TRHDE: variants seen among roughly 807,000 people sequenced by gnomAD.
TRHDE encodes thyrotropin releasing hormone degrading enzyme.
In TRHDE, 72 loss-of-function variants were observed where a neutral mutation model predicts 125.7. That is an observed-to-expected ratio of 0.57 (90% CI 0.47 to 0.70). The LOEUF (loss-of-function observed/expected upper bound fraction) is 0.70. Among genes scored for constraint, TRHDE ranks in the 30% least tolerant of loss-of-function variants. The pLI, the probability that TRHDE is intolerant of heterozygous loss-of-function variation, is 0.00. For synonymous variants in TRHDE, 509 were observed against 509.1 expected, an observed-to-expected ratio of 1.00 and a Z score of 0.00; for missense variants, 1,110 against 1,327.1, an observed-to-expected ratio of 0.84 and a Z score of 2.54.
At chr12:72,396,542 G>A (rs1184925275) in intron 3 of TRHDE, among the ~76,000 whole-genome samples, 2 of 151,976 alleles carry the variant, frequency 1.3e-5, no homozygotes, top group African/African-American at 4.8e-5. Context: ...TCAAGAAATC[G>A]AGACCATCCT....
At chr12:72,334,097 T>C (rs1174870821) in intron 2 of TRHDE, among the ~76,000 whole-genome samples, 2 of 152,288 alleles carry the variant, frequency 1.3e-5, no homozygotes, top group Non-Finnish European at 2.9e-5. Flanking sequence ...GCTTCTACCA[T>C]TATAATTGCA....
At chr12:72,482,843 G>A (rs1287486691) in intron 5 of TRHDE, among the ~76,000 whole-genome samples, 1 of 151,848 alleles carries the variant, frequency 6.6e-6, no homozygotes, top group African/African-American at 2.4e-5. Context: ...CACTATTGGT[G>A]GTGACTAATG....
chr12:72,382,876 C>T (rs1310306451), intron 3 of TRHDE, among the ~76,000 whole-genome samples: 1 of 152,134 alleles, frequency 6.6e-6, no homozygotes, highest in Non-Finnish European at 1.5e-5. Context: ...CCCCTGCAGC[C>T]TCATCTCATG....
rs551616608 is a variant in TRHDE at position 72,107,829 on chromosome 12, C to G, written n.279+2077C>G. On this transcript the variant is annotated intron_variant and non_coding_transcript_variant, in intron 2 of 4. Coordinates refer to the TRHDE transcript ENST00000548156. ...GGCCTGTTTAGACATTTTTTGAAAT[C>G]TAATTTAGACATTTTTTGAAATTTA... Among the ~76,000 whole-genome samples, 59 of 143,674 alleles carry G rather than the reference C, an allele frequency of 4.1e-4. 1 individual carries two copies. The highest frequency in any genetic ancestry group is 1.4e-3 in the African/African-American group (52 of 36,478). 94.3% of individuals were successfully genotyped at this position (143,674 alleles called of 152,430 possible).
At chr12:72,165,177 GCTCT>G (rs1876717353) in intron 2 of TRHDE, among the ~76,000 whole-genome samples, 1 of 152,148 alleles carries the variant, frequency 6.6e-6, no homozygotes, top group Non-Finnish European at 1.5e-5. Context: ...GGGAATCATT[GCTCT>G]CTCTGTGACT....
intron 15 of TRHDE, among the ~76,000 whole-genome samples, chr12:72,637,246 C>T (rs1026554766): frequency 1.3e-5 from 2 of 152,130 alleles, no homozygotes; most frequent in African/African-American, 2.4e-5. Flanking sequence ...GTGTTTGTGT[C>T]GAGGCATTTA....
rs78013243 is a variant in TRHDE, at chr12:72,468,761, C to T, written c.1316-997C>T. ...GGATCTGCCAGGGCCAATTCCCAGCCGCCACTGCCTGTTGCTGGAGCCAGT... is the reference window on the plus strand; with the variant it reads ...GGATCTGCCAGGGCCAATTCCCAGCTGCCACTGCCTGTTGCTGGAGCCAGT... On this transcript the variant is annotated intron_variant, in intron 3 of 18. Coordinates refer to ENST00000261180, the MANE Select transcript of TRHDE (RefSeq NM_013381.3). Among the ~76,000 whole-genome samples, 389 of 152,308 alleles carry T rather than the reference C, an allele frequency of 2.6e-3. 8 individuals are homozygous for T. The East Asian group carries it at 0.055, about 21-fold the overall frequency.
At position 72,669,605 on chromosome 12, in the gene TRHDE, T is replaced by C. The variant is rs1032346263; in HGVS notation, c.*6410T>C. Reference sequence around the variant, plus strand: ...GTTCACAGTATTGCATTTGCTCTTGTAAACAATTTTGTTCCCACCTTTACA... The same window carrying C: ...GTTCACAGTATTGCATTTGCTCTTGCAAACAATTTTGTTCCCACCTTTACA... On this transcript the variant is annotated 3_prime_UTR_variant, in exon 19 of 19. Transcript: ENST00000261180. 1 of 151,850 alleles carries C rather than the reference T, an allele frequency of 6.6e-6. No homozygotes were observed. The highest frequency in any genetic ancestry group is 6.6e-5 in the Admixed American group (1 of 15,188). 9.4% of individuals were successfully genotyped at this position (151,850 alleles called of 1,614,324 possible).
At chr12:72,339,895 A>G (rs1302147864) in intron 2 of TRHDE, among the ~76,000 whole-genome samples, 1 of 152,146 alleles carries the variant, frequency 6.6e-6, no homozygotes, top group African/African-American at 2.4e-5. Context: ...TCCCTGGGAG[A>G]GAAGGGGTAA....
intron 3 of TRHDE, among the ~76,000 whole-genome samples, chr12:72,423,851 G>A (rs1874071056): frequency 1.3e-5 from 2 of 152,052 alleles, no homozygotes; most frequent in South Asian, 4.1e-4. Flanking sequence ...TGGAAGCAGA[G>A]TTCAGAGTGA....
At chr12:72,178,219 T>C (rs560257938) in intron 2 of TRHDE, among the ~76,000 whole-genome samples, 2 of 152,240 alleles carry the variant, frequency 1.3e-5, no homozygotes, top group South Asian at 4.1e-4. Flanking sequence ...AGCATGGTGG[T>C]GTACATAGAA....
chr12:72,604,697 G>A (rs528347906), intron 12 of TRHDE, among the ~76,000 whole-genome samples: 4 of 151,902 alleles, frequency 2.6e-5, no homozygotes, highest in Admixed American at 6.6e-5. Flanking sequence ...TAATATACTT[G>A]TTCTGAATTA....
intron 2 of TRHDE, among the ~76,000 whole-genome samples, chr12:72,238,334 ACACAT>A (rs767804512): frequency 0.032 from 793 of 24,806 alleles, 109 homozygotes; most frequent in African/African-American, 0.068. Flanking sequence ...ATATATATAT[ACACAT>A]TATATATATA....
chr12:72,217,725 A>G lies in TRHDE; in HGVS notation n.279+111973A>G, dbSNP rs1253141561. 2.6e-5 allele frequency among the ~76,000 whole-genome samples: 4 copies of G among 152,312 alleles called. No homozygotes were observed. The East Asian group carries it at 7.7e-4, about 29-fold the overall frequency. ...AACAGAGATGCTTTCGTTGCACAATATAATGAATCAGAAACATGAGAAACA... is the reference window on the plus strand; with the variant it reads ...AACAGAGATGCTTTCGTTGCACAATGTAATGAATCAGAAACATGAGAAACA... On this transcript the variant is annotated intron_variant and non_coding_transcript_variant, in intron 2 of 4. Coordinates refer to the TRHDE transcript ENST00000548156.
chr12:72,173,213 C>A (rs772115929), intron 2 of TRHDE, among the ~76,000 whole-genome samples: 9 of 152,098 alleles, frequency 5.9e-5, no homozygotes, highest in Non-Finnish European at 1.3e-4. Context: ...CATTTGCAAT[C>A]ATTATCTGGT....
chr12:72,367,326 C>T lies in TRHDE; in HGVS notation c.1189-10669C>T, dbSNP rs547920127. Among the ~76,000 whole-genome samples, 6 of 152,182 alleles carry T rather than the reference C, an allele frequency of 3.9e-5. 1 individual carries two copies. Among genetic ancestry groups the T allele is most frequent in the African/African-American group, 1.4e-4 (6 of 41,538 alleles). ...CAATCATGTCACTCTGCCTCAAACT[C>T]GGCAGTGGCTCTCAACTCCTCAAAG... On this transcript the variant is annotated intron_variant, in intron 2 of 18. Transcript: ENST00000261180.
At chr12:72,300,903 T>C (rs1868252436) in intron 2 of TRHDE, among the ~76,000 whole-genome samples, 1 of 152,104 alleles carries the variant, frequency 6.6e-6, no homozygotes, top group African/African-American at 2.4e-5. Flanking sequence ...GTTGCCTGAC[T>C]GAGTAGATGG....
intron 15 of TRHDE, among the ~76,000 whole-genome samples, chr12:72,646,570 G>A (rs910132219): frequency 1.3e-5 from 2 of 152,044 alleles, no homozygotes; most frequent in Non-Finnish European, 2.9e-5. Context: ...AGACCTACAT[G>A]CACAGTGTTG....
intron 4 of TRHDE, among the ~76,000 whole-genome samples, chr12:72,470,361 C>T (rs1876583035): frequency 6.6e-6 from 1 of 152,212 alleles, no homozygotes; most frequent in African/African-American, 2.4e-5. Context: ...ACCACATAGA[C>T]ACTTAGGAAG....
Sources: gnomAD v4.1 joint callset for allele counts (sites outside exome capture counted in the v4.1 genomes callset) on GRCh38, gnomAD v4.1.1 for gene constraint, MANE v1.5 for transcripts, NCBI Gene and HGNC (gene_info 2026-07-23, HGNC 2026-07-21) for gene names.